PLPPR5: variants seen among roughly 807,000 people sequenced by gnomAD.
PLPPR5 encodes phospholipid phosphatase-related protein type 5.
A neutral mutation model predicts 33.9 loss-of-function variants in PLPPR5; 16 were observed. That is an observed-to-expected ratio of 0.47 (90% confidence interval 0.32 to 0.72). PLPPR5 has a LOEUF of 0.72. Among genes scored for constraint, PLPPR5 ranks in the 30% least tolerant of loss-of-function variants. PLPPR5 has a pLI of 0.03. For synonymous variants in PLPPR5, 163 were observed against 150.3 expected (o/e 1.08, Z -0.62); for missense variants, 301 against 406.7 (o/e 0.74, Z 2.23).
At chr1:99,004,960 G>A (rs1653024126), upstream of PLPPR5, 1 of 162,148 alleles carries the variant, frequency 6.2e-6, no homozygotes, top group Non-Finnish European at 1.3e-5. Context: ...GCGAGGGAGG[G>A]CGGGGAGTCC....
At chr1:99,004,411 G>C in intron 1 of PLPPR5, 24 bp downstream of exon 1, 1 of 1,566,052 alleles carries the variant, frequency 6.4e-7, no homozygotes, top group South Asian at 1.1e-5. Flanking sequence ...ACTCGGCGAC[G>C]AGGGCGAGCG....
intron 1 of PLPPR5, among the ~76,000 whole-genome samples, chr1:98,975,764 C>T (rs10489922): frequency 6.6e-6 from 1 of 151,802 alleles, no homozygotes; most frequent in East Asian, 1.9e-4. Flanking sequence ...TCCAGCAAAT[C>T]GGGATATCTC....
intron 3 of PLPPR5, among the ~76,000 whole-genome samples, chr1:98,937,420 A>G (rs1650209809): frequency 6.6e-6 from 1 of 152,304 alleles, no homozygotes; most frequent in African/African-American, 2.4e-5. Flanking sequence ...GTATCAAGAA[A>G]ATGCAGTAGA....
intron 3 of PLPPR5, among the ~76,000 whole-genome samples, chr1:98,947,520 A>T (rs1389753649): frequency 6.6e-6 from 1 of 152,260 alleles, no homozygotes; most frequent in African/African-American, 2.4e-5. Flanking sequence ...CAGCATTATT[A>T]TATTTTATGA....
chr1:98,949,228 T>A (rs529179032), intron 3 of PLPPR5, among the ~76,000 whole-genome samples: 7 of 151,940 alleles, frequency 4.6e-5, no homozygotes, highest in Non-Finnish European at 8.8e-5. Context: ...ATTTTTTTTT[T>A]CCCGGAGAAC....
At chr1:98,902,974 C>T (rs1648750891) in intron 5 of PLPPR5, among the ~76,000 whole-genome samples, 1 of 151,928 alleles carries the variant, frequency 6.6e-6, no homozygotes, top group Non-Finnish European at 1.5e-5. Flanking sequence ...TGTAATAATT[C>T]ATAAATAGTG....
chr1:98,985,058 C>T (rs1400267262), intron 1 of PLPPR5, among the ~76,000 whole-genome samples: 2 of 152,056 alleles, frequency 1.3e-5, no homozygotes, highest in Non-Finnish European at 2.9e-5. Context: ...ACAAGCCTGA[C>T]CTTTGACCAT....
At chr1:98,898,253 T>C (rs1648556037) in intron 5 of PLPPR5, among the ~76,000 whole-genome samples, 1 of 152,130 alleles carries the variant, frequency 6.6e-6, no homozygotes, top group African/African-American at 2.4e-5. Context: ...ATTCCTAAAA[T>C]ATAAAATATT....
At chr1:98,964,651 G>A (rs1048463731) in intron 1 of PLPPR5, among the ~76,000 whole-genome samples, 3 of 152,286 alleles carry the variant, frequency 2.0e-5, no homozygotes, top group Admixed American at 6.5e-5. Flanking sequence ...TGCCAAGAGA[G>A]GCAAAGCACC....
intron 1 of PLPPR5, among the ~76,000 whole-genome samples, chr1:98,958,653 A>G (rs186668488): frequency 3.3e-5 from 5 of 152,308 alleles, no homozygotes; most frequent in Admixed American, 6.5e-5. Flanking sequence ...GGAGAATCTG[A>G]TAAGTAGATG....
At chr1:98,976,702 T>C (rs114135078) in intron 1 of PLPPR5, among the ~76,000 whole-genome samples, 126 of 152,172 alleles carry the variant, frequency 8.3e-4, no homozygotes, top group African/African-American at 2.9e-3. Context: ...AACGATAACT[T>C]ATTAATAAAA....
chr1:98,999,595 T>G (rs1652751727), intron 1 of PLPPR5, among the ~76,000 whole-genome samples: 1 of 152,118 alleles, frequency 6.6e-6, no homozygotes, highest in Admixed American at 6.5e-5. Context: ...TGTCTGTGCT[T>G]TTTCTCCTAC....
At chr1:98,903,586 T>C (rs1648781706) in intron 5 of PLPPR5, among the ~76,000 whole-genome samples, 1 of 152,114 alleles carries the variant, frequency 6.6e-6, no homozygotes, top group South Asian at 2.1e-4. Flanking sequence ...AATATCTGTA[T>C]AAACTTTTAA....
intron 5 of PLPPR5, among the ~76,000 whole-genome samples, chr1:98,896,848 A>C (rs1359323171): frequency 1.3e-5 from 2 of 152,170 alleles, no homozygotes; most frequent in Non-Finnish European, 2.9e-5. Flanking sequence ...AATTTAAAAA[A>C]AAAATGTTAA....
intron 5 of PLPPR5, among the ~76,000 whole-genome samples, chr1:98,914,319 T>G (rs1649259598): frequency 6.6e-6 from 1 of 152,160 alleles, no homozygotes; most frequent in South Asian, 2.1e-4. Flanking sequence ...GGAGTCTCAC[T>G]CTGTTGCGTA....
intron 5 of PLPPR5, among the ~76,000 whole-genome samples, chr1:98,898,606 G>A (rs1009314121): frequency 6.6e-6 from 1 of 152,118 alleles, no homozygotes; most frequent in Non-Finnish European, 1.5e-5. Context: ...AACTATTTAA[G>A]AAGAAATTAG....
At chr1:98,998,859 T>C (rs72732437) in intron 1 of PLPPR5, among the ~76,000 whole-genome samples, 10,655 of 152,248 alleles carry the variant, frequency 0.07, 510 homozygotes, top group Non-Finnish European at 0.096. Context: ...TATTTAATGT[T>C]AGTCCCCAAT....
upstream of PLPPR5, among the ~76,000 whole-genome samples, chr1:99,005,476 A>T (rs534062087): frequency 6.6e-6 from 1 of 152,234 alleles, no homozygotes; most frequent in East Asian, 1.9e-4. Context: ...CTTTGTGTAT[A>T]TATATATGTA....
intron 3 of PLPPR5, among the ~76,000 whole-genome samples, chr1:98,926,323 A>G (rs1449720129): frequency 6.6e-6 from 1 of 152,124 alleles, no homozygotes; most frequent in African/African-American, 2.4e-5. Flanking sequence ...TCCAGATTGC[A>G]CCCTATAGTC....
Sources: allele counts gnomAD v4.1 joint callset (sites outside exome capture counted in the v4.1 genomes callset), GRCh38; gene constraint gnomAD v4.1.1; transcripts MANE v1.5; gene names NCBI Gene and HGNC (gene_info 2026-07-23, HGNC 2026-07-21).